Variants in ACLY observed in about 807,000 individuals in gnomAD.
ACLY encodes ATP-citrate synthase.
Under a neutral mutation model 133.0 loss-of-function variants are expected in ACLY, and 41 were observed. That is an observed-to-expected ratio of 0.31 (90% CI 0.24 to 0.40). The LOEUF (loss-of-function observed/expected upper bound fraction) is 0.40, where lower values mean the gene tolerates loss of function less well. Ranked by LOEUF, ACLY falls within the 10% of genes least tolerant of loss-of-function variation. The pLI, the probability that ACLY is intolerant of heterozygous loss-of-function variation, is 1.00. For missense variants in ACLY, 1,046 were observed against 1,453.8 expected (o/e 0.72, Z 4.56); for synonymous variants, 495 against 549.3 (o/e 0.90, Z 1.38).
chr17:41,926,993 C>T (rs769872445), intron 1 of ACLY, among the ~76,000 whole-genome samples: 1 of 152,014 alleles, frequency 6.6e-6, no homozygotes, highest in Non-Finnish European at 1.5e-5. Context: ...CTCAGCCTCC[C>T]GAGTAACTGG....
At chr17:41,879,009 A>G (rs2048835383) in intron 20 of ACLY, 85 bp from the exon 21 acceptor site, 1 of 1,546,130 alleles carries the variant, frequency 6.5e-7, no homozygotes, top group Admixed American at 1.7e-5. Context: ...AACACTTTAC[A>G]TGAATCACTT....
At chr17:41,921,131 CAA>C (rs34787014), upstream of ACLY, among the ~76,000 whole-genome samples, 238 of 131,476 alleles carry the variant, frequency 1.8e-3, no homozygotes, top group Admixed American at 2.4e-3. Flanking sequence ...CATCTCAAAG[CAA>C]AAAAAAAAAA....
In ACLY at chr17:41,891,431, C is replaced by T. The variant is rs1289408718; in HGVS notation, c.1770+848G>A. Among the ~76,000 whole-genome samples the T allele has an allele frequency of 2.6e-5, 4 of 152,076 alleles. No homozygotes were observed. The East Asian group carries it at 7.7e-4, about 29-fold the overall frequency. ...ATTTATTTATTTATTTATTTAGAGT[C>T]TCACTCTGCTGCCTAGGCTGAAGTG... is the stretch of plus-strand genomic sequence containing the variant. On this transcript the variant is annotated intron_variant, in intron 16 of 28. Transcript: ENST00000352035.
upstream of ACLY, chr17:41,918,969 G>T (rs546727022): frequency 1.6e-6 from 2 of 1,288,970 alleles, no homozygotes; most frequent in African/African-American, 1.5e-5. Context: ...AGCTTCCCGG[G>T]ATCCGGCTTT....
chr17:41,869,453 AG>A lies in ACLY; in HGVS notation c.3051+20del, dbSNP rs782554859. On this transcript the variant is annotated intron_variant, in intron 26 of 28. Coordinates refer to ENST00000352035, the MANE Select transcript of ACLY (RefSeq NM_001096.3). ...TAAACTTGTCCAACGTGAGGGAATT[AG>A]GAAGTTTTTTCTTTGTTACCTTCGA... 655 of 1,588,488 alleles carry A rather than the reference AG, an allele frequency of 4.1e-4. No individual in the cohort carries two copies. The highest frequency in any genetic ancestry group is 6.3e-4 in the Admixed American group (38 of 59,926).
At chr17:41,920,401 C>G (rs2050162893), upstream of ACLY, among the ~76,000 whole-genome samples, 1 of 151,902 alleles carries the variant, frequency 6.6e-6, no homozygotes, top group African/African-American at 2.4e-5. Context: ...GAGTTCAAGA[C>G]CAACAAGGCA....
rs782091052 is a variant in ACLY, at chr17:41,910,206, G to T, written c.345+16C>A. The T allele has an allele frequency of 1.3e-5, 21 of 1,612,160 alleles. No homozygotes were observed. In the Admixed American group the frequency reaches 3.5e-4, roughly 27 times the overall value. ...CAGGAGGGAGAAGACCCAGCCTGGA[G>T]CCGCCTCACACATACCTGACTGTGG... On this transcript the variant is annotated intron_variant, in intron 4 of 28. Coordinates refer to ENST00000352035, the MANE Select transcript of ACLY (RefSeq NM_001096.3).
intron 10 of ACLY, among the ~76,000 whole-genome samples, chr17:41,904,027 G>C (rs1555632098): frequency 3.3e-5 from 5 of 151,690 alleles, no homozygotes; most frequent in South Asian, 2.1e-4. Context: ...TGAGGCAGGA[G>C]AATCACTTGA....
rs1332606627 is a variant in ACLY at position 41,909,647 on chromosome 17, C to T, written c.399G>A (p.Leu133=). The change falls in exon 5 of 29, where the codon CTG becomes CTA. Residue 133 remains leucine, a synonymous_variant. Transcript: ENST00000352035. ...CGTCCACACCCCCCTCGTGGTGGAA[C>T]AGGACGTAGTCCCCTTCTCGGGTGG... ...IYATREGDYV[L]FHHEGGVDVG... 3 of 1,614,194 alleles carry T rather than the reference C, an allele frequency of 1.9e-6. No homozygotes were observed. Among genetic ancestry groups the T allele is most frequent in the African/African-American group, 1.3e-5 (1 of 75,042 alleles).
At chr17:41,923,530 G>A (rs1339233751), upstream of ACLY, among the ~76,000 whole-genome samples, 1 of 152,208 alleles carries the variant, frequency 6.6e-6, no homozygotes, top group Non-Finnish European at 1.5e-5. Flanking sequence ...CCTGCAACCT[G>A]CTGCAGGTGA....
intron 11 of ACLY, 151 bp downstream of exon 11, chr17:41,901,545 G>A: frequency 1.5e-6 from 1 of 675,586 alleles, no homozygotes; most frequent in Non-Finnish European, 2.6e-6. Context: ...AGCACTCTGT[G>A]TTGGGACAGG....
intron 22 of ACLY, 149 bp downstream of exon 22, chr17:41,877,954 T>C: frequency 2.5e-6 from 1 of 401,534 alleles, no homozygotes; most frequent in South Asian, 8.9e-5. Flanking sequence ...TATATATATA[T>C]ATCCTATTAG....
intron 11 of ACLY, 104 bp from the exon 12 acceptor site, chr17:41,898,889 C>G: frequency 3.4e-6 from 4 of 1,187,280 alleles, no homozygotes; most frequent in Non-Finnish European, 4.7e-6. Flanking sequence ...CAGTGTTTGG[C>G]GCATTCAGTG....
Position 41,869,079 on chromosome 17 carries a change from A to G in ACLY, c.3098T>C (p.Phe1033Ser). The part of the protein sequence containing the change: ...LNVDGLIGVA[F>S]VDMLRNCGSF... ...CCCACAGTTTCTAAGCATGTCTACA[A>G]ATGCGACTCCGATGAGACCATCTAC... is the stretch of plus-strand genomic sequence containing the variant. Residue 1033 changes from phenylalanine to serine, a missense_variant, in exon 27 of 29, where the codon TTT becomes TCT. Phe to Ser is a radical substitution (Grantham distance 155). Transcript: ENST00000352035. 6.2e-7 allele frequency: 1 copy of G among 1,614,048 alleles called. No individual in the cohort carries two copies. The highest frequency in any genetic ancestry group is 8.5e-7 in the Non-Finnish European group (1 of 1,179,998).
rs568430814 is a variant in ACLY at position 41,910,073 on chromosome 17, C to A, written c.345+149G>T. Reference sequence around the variant, plus strand: ...TTCCTTCCCCTCTGGACTCCCGAGTCCGCAGCACCCTCAGATCCTCAGTGC... The same window carrying A: ...TTCCTTCCCCTCTGGACTCCCGAGTACGCAGCACCCTCAGATCCTCAGTGC... On this transcript the variant is annotated intron_variant, in intron 4 of 28. Coordinates refer to ENST00000352035, the MANE Select transcript of ACLY (RefSeq NM_001096.3). 3.9e-6 allele frequency: 3 copies of A among 776,652 alleles called. No homozygotes were observed. In the African/African-American group the frequency reaches 5.3e-5, roughly 14 times the overall value. The allele number at this position is 776,652 out of a possible 1,614,324, so 48.1% of individuals were successfully genotyped here.
chr17:41,869,322 T>C (rs891690282), intron 26 of ACLY, 152 bp downstream of exon 26: 108 of 781,336 alleles, frequency 1.4e-4, no homozygotes, highest in Admixed American at 2.3e-4. Flanking sequence ...TGACATTTAG[T>C]GCATGTCTGT....
intron 10 of ACLY, chr17:41,904,392 GAAGA>G (rs2049647470): frequency 8.6e-6 from 2 of 233,576 alleles, no homozygotes; most frequent in Non-Finnish European, 1.7e-5. Context: ...GAAGGGAAAG[GAAGA>G]GAAGGGAAGG....
In ACLY at chr17:41,918,950, G is replaced by A. The variant is rs2050130239; in HGVS notation, c.-94C>T. 1 of 1,289,144 alleles carries A rather than the reference G, an allele frequency of 7.8e-7. No homozygotes were observed. The highest frequency in any genetic ancestry group is 2.3e-5 in the Admixed American group (1 of 43,512). 79.9% of individuals were successfully genotyped at this position (1,289,144 alleles called of 1,614,324 possible). A position where few individuals can be genotyped will look rare whatever the true frequency, so the allele number is the denominator to read the frequency against. On this transcript the variant is annotated 5_prime_UTR_variant, in exon 1 of 29. Coordinates refer to ENST00000352035, the MANE Select transcript of ACLY (RefSeq NM_001096.3). ...ACCCCGCAAAATCCGGAGCACCCCA[G>A]CAGCCGGTAGCTTCCCGGGATCCGG...
At chr17:41,896,595 TGG>T (rs1375720528) in intron 14 of ACLY, 23 bp downstream of exon 14, 1 of 1,526,724 alleles carries the variant, frequency 6.5e-7, no homozygotes, top group Non-Finnish European at 8.8e-7. Flanking sequence ...ACACGCGGAG[TGG>T]GGGCAGGGTG....
Sources: gnomAD v4.1 joint callset for allele counts (sites outside exome capture counted in the v4.1 genomes callset) on GRCh38, gnomAD v4.1.1 for gene constraint, MANE v1.5 for transcripts, NCBI Gene and HGNC (gene_info 2026-07-23, HGNC 2026-07-21) for gene names.